PGM5: variants seen among roughly 807,000 people sequenced by gnomAD.
The protein encoded by PGM5 is phosphoglucomutase-like protein 5.
PGM5 carries 23 observed loss-of-function variants against 59.2 expected under a neutral mutation model. That is an observed-to-expected ratio of 0.39 (90% CI 0.28 to 0.55). The LOEUF (loss-of-function observed/expected upper bound fraction) is 0.55, where lower values mean the gene tolerates loss of function less well. Among genes scored for constraint, PGM5 ranks in the 20% least tolerant of loss-of-function variants. The probability of loss-of-function intolerance (pLI) is 0.66; values close to 1 mark genes in which losing one functional copy is unlikely to be tolerated. For missense variants in PGM5, 574 were observed against 748.3 expected (o/e 0.77, Z 2.72); for synonymous variants, 214 against 286.0 (o/e 0.75, Z 2.54).
intron 10 of PGM5, among the ~76,000 whole-genome samples, chr9:68,508,443 C>G (rs922396183): frequency 6.6e-5 from 10 of 152,082 alleles, no homozygotes; most frequent in Non-Finnish European, 1.5e-4. Context: ...ATAAGGAAAC[C>G]TAAAAATGTT....
At chr9:68,528,441 G>C (rs1461900505) in intron 10 of PGM5, among the ~76,000 whole-genome samples, 1 of 152,074 alleles carries the variant, frequency 6.6e-6, no homozygotes, top group African/African-American at 2.4e-5. Flanking sequence ...TGCGGTCTAT[G>C]TTGTTCAGGC....
intron 10 of PGM5, among the ~76,000 whole-genome samples, chr9:68,502,902 T>G (rs1232636432): frequency 6.6e-6 from 1 of 152,186 alleles, no homozygotes; most frequent in Non-Finnish European, 1.5e-5. Flanking sequence ...TTGGCCAGGC[T>G]GGTCTCAAAC....
chr9:68,365,046 G>T (rs1473582433), intron 1 of PGM5, among the ~76,000 whole-genome samples: 2 of 152,082 alleles, frequency 1.3e-5, no homozygotes, highest in African/African-American at 4.8e-5. Flanking sequence ...TGTGAACTCT[G>T]GAAGTTTGCT....
rs1291925853 is a variant in PGM5 at position 68,387,643 on chromosome 9, C to T, written c.697+55C>T. On this transcript the variant is annotated intron_variant, in intron 4 of 10. Transcript: ENST00000396396. ...GGCAGGAAATATTGAGACCTGTACA[C>T]CTGTTGGGTTTCAGAGGTTAAGAGG... 119 of 1,559,858 alleles carry T rather than the reference C, an allele frequency of 7.6e-5. 1 individual carries two copies. In the South Asian group the frequency reaches 7.7e-4, roughly 10 times the overall value.
In PGM5 at chr9:68,529,896, A is replaced by G; in HGVS notation, c.*240A>G. On this transcript the variant is annotated 3_prime_UTR_variant, in exon 11 of 11. Transcript: ENST00000396396. ...TGTTAAAGCTGCACTATAATTTGGT[A>G]TCTACATTTTATCACACAAAGGAAC... 1 of 379,628 alleles carries G rather than the reference A, an allele frequency of 2.6e-6. No homozygotes were observed. Among genetic ancestry groups the G allele is most frequent in the Middle Eastern group, 7.1e-4 (1 of 1,404 alleles). 23.5% of individuals were successfully genotyped at this position (379,628 alleles called of 1,614,324 possible).
At chr9:68,413,884 C>A (rs562783455) in intron 6 of PGM5, among the ~76,000 whole-genome samples, 28 of 152,298 alleles carry the variant, frequency 1.8e-4, no homozygotes, top group Admixed American at 6.5e-4. Context: ...ATTGCAAAGG[C>A]TATATGCTAT....
At chr9:68,392,641 G>A (rs1450580275) in intron 6 of PGM5, among the ~76,000 whole-genome samples, 168 bp downstream of exon 6, 9 of 152,142 alleles carry the variant, frequency 5.9e-5, no homozygotes, top group African/African-American at 2.2e-4. Flanking sequence ...GGTGGCCTGA[G>A]CTTAATTCTT....
intron 6 of PGM5, among the ~76,000 whole-genome samples, chr9:68,445,560 G>T (rs1297888533): frequency 6.6e-6 from 1 of 152,200 alleles, no homozygotes; most frequent in Admixed American, 6.5e-5. Context: ...GGGACACAAC[G>T]TGGAGATCTT....
chr9:68,382,295 G>A (rs1822098235), intron 2 of PGM5, among the ~76,000 whole-genome samples: 1 of 151,628 alleles, frequency 6.6e-6, no homozygotes, highest in African/African-American at 2.4e-5. Context: ...TTCAATAAAT[G>A]GTGCCTGGGA....
chr9:68,499,193 C>G, intron 9 of PGM5, 34 bp from the exon 10 acceptor site: 2 of 1,611,778 alleles, frequency 1.2e-6, no homozygotes, highest in Non-Finnish European at 1.7e-6. Context: ...TATTCATTTG[C>G]TCACTGCTCC....
At chr9:68,471,222 C>T (rs1294339121) in intron 7 of PGM5, among the ~76,000 whole-genome samples, 1 of 152,214 alleles carries the variant, frequency 6.6e-6, no homozygotes, top group African/African-American at 2.4e-5. Flanking sequence ...AGTCCTGAGA[C>T]ATCATGGCTC....
chr9:68,495,382 G>A (rs1554688085), intron 9 of PGM5, among the ~76,000 whole-genome samples: 1 of 152,164 alleles, frequency 6.6e-6, no homozygotes, highest in African/African-American at 2.4e-5. Context: ...TTGGCATTAA[G>A]TATCCTGGCA....
At chr9:68,444,466 G>A (rs1343979534) in intron 6 of PGM5, among the ~76,000 whole-genome samples, 1 of 152,166 alleles carries the variant, frequency 6.6e-6, no homozygotes, top group African/African-American at 2.4e-5. Flanking sequence ...CAGAATCAAT[G>A]AAAAAGCTGG....
At chr9:68,438,744 C>G (rs1554683502) in intron 6 of PGM5, among the ~76,000 whole-genome samples, 1 of 152,166 alleles carries the variant, frequency 6.6e-6, no homozygotes, top group Non-Finnish European at 1.5e-5. Flanking sequence ...CCAACATAGC[C>G]TGCAACCTGG....
intron 6 of PGM5, chr9:68,406,001 TCTA>T (rs1385368374): frequency 1.3e-5 from 2 of 152,222 alleles, no homozygotes; most frequent in Non-Finnish European, 2.9e-5. Context: ...TCACACAGAT[TCTA>T]CTACCTATAT....
At chr9:68,377,238 T>G (rs1554677870) in intron 1 of PGM5, among the ~76,000 whole-genome samples, 2 of 152,132 alleles carry the variant, frequency 1.3e-5, no homozygotes, top group African/African-American at 4.8e-5. Flanking sequence ...GGTTCTGCAT[T>G]TCTATCAAGC....
chr9:68,415,035 G>A (rs2770844), intron 6 of PGM5, among the ~76,000 whole-genome samples: 65 of 148,054 alleles, frequency 4.4e-4, no homozygotes, highest in East Asian at 2.2e-3. Context: ...AGGGGACTGG[G>A]GAAAAGAAGG....
chr9:68,479,622 G>C, intron 8 of PGM5, 69 bp downstream of exon 8: 4 of 1,521,052 alleles, frequency 2.6e-6, no homozygotes, highest in Non-Finnish European at 3.6e-6. Context: ...TTCTAAAACT[G>C]ATGGGCTAGA....
intron 1 of PGM5, among the ~76,000 whole-genome samples, chr9:68,376,811 TTCTTTCTTTCTTTCTTTCTTTC>T (rs1438191023): frequency 7.2e-5 from 8 of 111,886 alleles, no homozygotes; most frequent in South Asian, 5.3e-4. Flanking sequence ...CTTTCTTTCT[TTCTTTCTTTCTTTCTTTCTTTC>T]TCTTTCTTTC....
Sources: gnomAD v4.1 joint callset for allele counts (sites outside exome capture counted in the v4.1 genomes callset) on GRCh38, gnomAD v4.1.1 for gene constraint, MANE v1.5 for transcripts, NCBI Gene and HGNC (gene_info 2026-07-23, HGNC 2026-07-21) for gene names.